Variants in ILKAP observed in about 807,000 individuals in gnomAD.
ILKAP encodes the protein integrin-linked kinase-associated serine/threonine phosphatase 2C.
A neutral mutation model predicts 49.1 loss-of-function variants in ILKAP; 11 were observed. The ratio of observed to expected loss-of-function variants is 0.22; its 90% CI spans 0.14 to 0.37. The LOEUF is 0.37. ILKAP is among the 10% of genes least tolerant of loss of function. The pLI is 1.00. For synonymous variants in ILKAP, 186 were observed against 192.8 expected (o/e 0.96, Z 0.29); for missense variants, 363 against 510.8 (o/e 0.71, Z 2.79).
chr2:238,194,214 CA>C, intron 3 of ILKAP, 60 bp downstream of exon 3: 2 of 1,424,036 alleles, frequency 1.4e-6, no homozygotes, highest in Non-Finnish European at 2.0e-6. Context: ...ATAAATTTCA[CA>C]TAAGAGTAAA....
chr2:238,170,590 C>T lies in ILKAP; in HGVS notation c.1125G>A (p.Val375=), dbSNP rs1166803737. The change falls in exon 12 of 12, where the codon GTG becomes GTA. Residue 375 remains valine (V), a synonymous_variant. Transcript: ENST00000254654. ...TGACGTTGTCGGCCGAGCCCCGCTG[C>T]ACCGCCTTGTTGGCCAGCCTGTTGC... ...AACNRLANKA[V]QRGSADNVTV... 140 of 1,608,426 alleles carry T rather than the reference C, an allele frequency of 8.7e-5. No homozygotes were observed. Among genetic ancestry groups the T allele is most frequent in the Non-Finnish European group, 1.1e-4 (127 of 1,175,694 alleles).
At chr2:238,180,751 C>G (rs959689306) in intron 9 of ILKAP, among the ~76,000 whole-genome samples, 2 of 152,236 alleles carry the variant, frequency 1.3e-5, no homozygotes, top group African/African-American at 4.8e-5. Flanking sequence ...TTCTCTGAAT[C>G]AGGTAAGGAC....
rs1176864900 is a variant in ILKAP at position 238,203,603 on chromosome 2, G to C, written c.-50C>G. The C allele has an allele frequency of 3.7e-6, 4 of 1,090,550 alleles. No homozygotes were observed. Among genetic ancestry groups the C allele is most frequent in the South Asian group, 4.3e-5 (1 of 23,288 alleles). The allele number at this position is 1,090,550 out of a possible 1,614,324, so 67.6% of individuals were successfully genotyped here. On this transcript the variant is annotated 5_prime_UTR_variant, in exon 1 of 12. Transcript: ENST00000254654. The stretch of plus-strand genomic sequence containing the variant: ...GCAGCGACAGACACTCAGCCCGCGA[G>C]CAGCGGCCGGGCTCCACACCCCGGG...
At chr2:238,177,037 T>C (rs1424448523) in intron 9 of ILKAP, among the ~76,000 whole-genome samples, 2 of 152,256 alleles carry the variant, frequency 1.3e-5, no homozygotes, top group African/African-American at 4.8e-5. Context: ...TTAAATGCTA[T>C]ATGTAAACTT....
intron 3 of ILKAP, among the ~76,000 whole-genome samples, chr2:238,190,758 C>T (rs756481080): frequency 6.6e-6 from 1 of 151,730 alleles, no homozygotes; most frequent in Admixed American, 6.6e-5. Context: ...AAGTATGCAA[C>T]AGCCAGATGC....
At chr2:238,191,188 G>A (rs936267731) in intron 3 of ILKAP, among the ~76,000 whole-genome samples, 23 of 149,472 alleles carry the variant, frequency 1.5e-4, no homozygotes, top group African/African-American at 5.7e-4. Flanking sequence ...CTACTCTGTC[G>A]CCCAGGCTCG....
intron 3 of ILKAP, among the ~76,000 whole-genome samples, chr2:238,190,990 T>C (rs958877254): frequency 1.3e-5 from 2 of 151,912 alleles, no homozygotes; most frequent in Non-Finnish European, 2.9e-5. Context: ...GGTCTCATTC[T>C]GTCACACAGA....
intron 9 of ILKAP, among the ~76,000 whole-genome samples, chr2:238,175,046 C>T (rs902232212): frequency 1.3e-5 from 2 of 152,190 alleles, no homozygotes; most frequent in Non-Finnish European, 2.9e-5. Flanking sequence ...CAACACAGTA[C>T]AGACAATGTG....
chr2:238,181,529 T>C (rs2106330774), intron 9 of ILKAP, among the ~76,000 whole-genome samples: 1 of 152,328 alleles, frequency 6.6e-6, no homozygotes, highest in East Asian at 1.9e-4. Flanking sequence ...CCAAAGACAT[T>C]ACTTAACCCG....
At position 238,170,559 on chromosome 2, in the gene ILKAP, T is replaced by C; in HGVS notation, c.1156A>G (p.Met386Val). ...QRGSADNVTVMVVRIGH is the reference protein window; with the variant it reads ...QRGSADNVTVVVVRIGH Reference sequence around the variant, plus strand: ...CCTCAGTGCCCTATCCGCACCACCATCACAGTGACGTTGTCGGCCGAGCCC... The same window carrying C: ...CCTCAGTGCCCTATCCGCACCACCACCACAGTGACGTTGTCGGCCGAGCCC... The change falls in exon 12 of 12, where the codon ATG (methionine) becomes GTG (valine). Residue 386 changes from methionine to valine, a missense_variant. Physicochemically the swap from Met to Val is conservative, Grantham distance 21. Coordinates refer to ENST00000254654, the MANE Select transcript of ILKAP (RefSeq NM_030768.3). 1.2e-6 allele frequency: 2 copies of C among 1,606,004 alleles called. No homozygotes were observed. Among genetic ancestry groups the C allele is most frequent in the South Asian group, 1.1e-5 (1 of 90,838 alleles).
At chr2:238,201,470 C>T (rs925592877) in intron 1 of ILKAP, among the ~76,000 whole-genome samples, 9 of 152,206 alleles carry the variant, frequency 5.9e-5, no homozygotes, top group Non-Finnish European at 1.2e-4. Context: ...GAGCAGCTGA[C>T]CAATCCAATC....
chr2:238,183,265 C>G (rs1693770545), intron 8 of ILKAP, among the ~76,000 whole-genome samples: 2 of 152,104 alleles, frequency 1.3e-5, no homozygotes, highest in Non-Finnish European at 1.5e-5. Flanking sequence ...CTTTGATAGG[C>G]AGGGGTTAAA....
chr2:238,171,604 T>C (rs1448240309), intron 10 of ILKAP, among the ~76,000 whole-genome samples: 1 of 152,238 alleles, frequency 6.6e-6, no homozygotes, highest in East Asian at 1.9e-4. Context: ...ACCTCAAACA[T>C]TAGGTGCTGT....
At chr2:238,176,363 C>A (rs1394732723) in intron 9 of ILKAP, among the ~76,000 whole-genome samples, 1 of 152,090 alleles carries the variant, frequency 6.6e-6, no homozygotes, top group Non-Finnish European at 1.5e-5. Flanking sequence ...GAACTCCTGA[C>A]CTCGTGATCC....
chr2:238,171,126 C>G (rs1693197821), intron 10 of ILKAP, 102 bp from the exon 11 acceptor site: 2 of 751,504 alleles, frequency 2.7e-6, no homozygotes, highest in Non-Finnish European at 4.4e-6. Flanking sequence ...ATTTGTCCAA[C>G]TATTCAAAGG....
At chr2:238,188,475 C>CA (rs1693993993) in intron 4 of ILKAP, 2 of 494,974 alleles carry the variant, frequency 4.0e-6, no homozygotes, top group Non-Finnish European at 7.1e-6. Context: ...AGAGGTTGCA[C>CA]AGGGACACAA....
chr2:238,189,981 A>G lies in ILKAP; in HGVS notation c.179-9T>C. The G allele has an allele frequency of 6.2e-7, 1 of 1,613,548 alleles. No individual in the cohort carries two copies. The highest frequency in any genetic ancestry group is 8.5e-7 in the Non-Finnish European group (1 of 1,179,736). ...TGATGTGGCAAGAGAACCTGGAAATAAAGTAAAAGCCAGACAGAAACACAG... is the reference window on the plus strand; with the variant it reads ...TGATGTGGCAAGAGAACCTGGAAATGAAGTAAAAGCCAGACAGAAACACAG... On this transcript the variant is annotated splice_polypyrimidine_tract_variant and intron_variant, in intron 3 of 11. Coordinates refer to ENST00000254654, the MANE Select transcript of ILKAP (RefSeq NM_030768.3).
intron 9 of ILKAP, among the ~76,000 whole-genome samples, chr2:238,176,725 A>T (rs1017872999): frequency 1.6e-4 from 25 of 152,238 alleles, no homozygotes. Flanking sequence ...GTTTAAGGCT[A>T]ATCTGGCTGC....
At chr2:238,191,863 C>A (rs1418721812) in intron 3 of ILKAP, among the ~76,000 whole-genome samples, 1 of 150,148 alleles carries the variant, frequency 6.7e-6, no homozygotes, top group African/African-American at 2.5e-5. Context: ...TGAGATCTCG[C>A]CACTGCGCTC....
Sources: gnomAD v4.1 joint callset for allele counts (sites outside exome capture counted in the v4.1 genomes callset) on GRCh38, gnomAD v4.1.1 for gene constraint, MANE v1.5 for transcripts, NCBI Gene and HGNC (gene_info 2026-07-23, HGNC 2026-07-21) for gene names.